RGS7: variants seen among roughly 807,000 people sequenced by gnomAD.
RGS7 encodes regulator of G protein signaling 7.
Under a neutral mutation model 81.1 loss-of-function variants are expected in RGS7, and 27 were observed. The ratio of observed to expected loss-of-function variants is 0.33; its 90% CI spans 0.25 to 0.46. The LOEUF is 0.46. Among genes scored for constraint, RGS7 ranks in the 20% least tolerant of loss-of-function variants. RGS7 has a pLI of 1.00. For missense variants in RGS7, 396 were observed against 607.4 expected, an observed-to-expected ratio of 0.65 and a Z score of 3.66; for synonymous variants, 208 against 207.7, an observed-to-expected ratio of 1.00 and a Z score of -0.01.
intron 3 of RGS7, among the ~76,000 whole-genome samples, chr1:241,086,564 C>G (rs896641740): frequency 4.6e-5 from 7 of 151,980 alleles, no homozygotes; most frequent in African/African-American, 1.7e-4. Context: ...AGCCACAGTA[C>G]CCAGCCTTGT....
intron 2 of RGS7, among the ~76,000 whole-genome samples, chr1:241,306,515 G>A (rs1378997253): frequency 3.8e-5 from 5 of 132,514 alleles, no homozygotes; most frequent in Admixed American, 3.0e-4. Flanking sequence ...CCCTCACATG[G>A]CCATGTACAC....
intron 3 of RGS7, among the ~76,000 whole-genome samples, chr1:241,043,542 C>T (rs549103088): frequency 0.071 from 10,405 of 146,702 alleles, 558 homozygotes; most frequent in African/African-American, 0.14. Flanking sequence ...ATAGATATAT[C>T]ATATATAATA....
chr1:241,319,115 T>C (rs1205241596), intron 2 of RGS7, among the ~76,000 whole-genome samples: 1 of 152,214 alleles, frequency 6.6e-6, no homozygotes, highest in Admixed American at 6.5e-5. Context: ...TAACCATTTC[T>C]TACCCTCTGG....
chr1:240,915,254 T>A (rs575617910), intron 6 of RGS7, among the ~76,000 whole-genome samples: 2 of 151,960 alleles, frequency 1.3e-5, no homozygotes, highest in Non-Finnish European at 2.9e-5. Context: ...TAGGGAAATA[T>A]CCAACTCCAG....
rs185451206 is a variant in RGS7, at chr1:241,117,764, C to T, written c.79-19002G>A. On this transcript the variant is annotated intron_variant, in intron 2 of 18. Transcript: ENST00000440928. ...GAAAAAGTAAAGCTGCAATATATTT[C>T]TTATCGGATTAATCTAAGATCAGTG... is the stretch of plus-strand genomic sequence containing the variant. Among the ~76,000 whole-genome samples, 1,113 of 152,236 alleles carry T rather than the reference C, an allele frequency of 7.3e-3. 14 individuals are homozygous for T. The highest frequency in any genetic ancestry group is 0.025 in the African/African-American group (1,056 of 41,542).
intron 3 of RGS7, among the ~76,000 whole-genome samples, chr1:241,037,216 A>T (rs1178113991): frequency 1.3e-5 from 2 of 152,192 alleles, no homozygotes; most frequent in East Asian, 3.9e-4. Flanking sequence ...GAAGCTGGTA[A>T]GATAGAGATG....
chr1:241,334,030 A>G (rs1020806213), intron 2 of RGS7, among the ~76,000 whole-genome samples: 1 of 150,328 alleles, frequency 6.7e-6, no homozygotes, highest in Non-Finnish European at 1.5e-5. Flanking sequence ...TGATCTGTAT[A>G]TACATATATA....
chr1:241,038,922 G>A (rs978372036), intron 3 of RGS7, among the ~76,000 whole-genome samples: 3 of 151,952 alleles, frequency 2.0e-5, no homozygotes, highest in Non-Finnish European at 4.4e-5. Context: ...AGCTGTGATC[G>A]CACCATTGCA....
chr1:240,813,217 T>C (rs973414099), intron 13 of RGS7, among the ~76,000 whole-genome samples: 2 of 152,216 alleles, frequency 1.3e-5, no homozygotes, highest in Non-Finnish European at 2.9e-5. Context: ...TGTCTTAAAA[T>C]TGAATTTATA....
rs144560229 is a variant in RGS7 at position 240,973,389 on chromosome 1, A to C, written c.226+9690T>G. Among the ~76,000 whole-genome samples the C allele has an allele frequency of 1.3e-4, 20 of 151,528 alleles. No homozygotes were observed. In the East Asian group the frequency reaches 4.0e-3, roughly 30 times the overall value. On this transcript the variant is annotated intron_variant, in intron 4 of 18. Transcript: ENST00000440928. ...CAAAAATTAGCGGGGCGTGGTGGCTAATCCCAGCTACTCAGGAGGCTGAGG... is the reference window on the plus strand; with the variant it reads ...CAAAAATTAGCGGGGCGTGGTGGCTCATCCCAGCTACTCAGGAGGCTGAGG...
chr1:241,220,726 G>T (rs1053656648), intron 2 of RGS7, among the ~76,000 whole-genome samples: 5 of 151,828 alleles, frequency 3.3e-5, no homozygotes, highest in Non-Finnish European at 7.4e-5. Flanking sequence ...AATAATTAAG[G>T]TTCTTTTGCA....
chr1:240,842,206 T>C (rs1658175145), intron 9 of RGS7, among the ~76,000 whole-genome samples: 1 of 115,266 alleles, frequency 8.7e-6, no homozygotes, highest in Non-Finnish European at 1.9e-5. Flanking sequence ...GGAATTTTTT[T>C]TTTTTTTTTT....
intron 2 of RGS7, among the ~76,000 whole-genome samples, chr1:241,195,242 C>G (rs4531284): frequency 0.82 from 124,586 of 152,156 alleles, 51,082 homozygotes; most frequent in Admixed American, 0.85. Context: ...TTGGAAAGCT[C>G]AGGTGGGCGG....
At position 241,162,610 on chromosome 1, in the gene RGS7, T is replaced by C. The variant is rs149303340; in HGVS notation, c.79-63848A>G. Reference sequence around the variant, plus strand: ...TGCCCTAAAGCTTTTTAAACAACTCTGACTCCTGCTCTAAAACTTGCCTGT... The same window carrying C: ...TGCCCTAAAGCTTTTTAAACAACTCCGACTCCTGCTCTAAAACTTGCCTGT... On this transcript the variant is annotated intron_variant, in intron 2 of 18. Coordinates refer to ENST00000440928, the MANE Select transcript of RGS7 (RefSeq NM_001364886.1). 4.4e-3 allele frequency among the ~76,000 whole-genome samples: 656 copies of C among 150,694 alleles called. 2 individuals are homozygous for C. The highest frequency in any genetic ancestry group is 6.6e-3 in the Non-Finnish European group (441 of 66,908).
chr1:240,881,088 G>A (rs1216490637), intron 6 of RGS7, among the ~76,000 whole-genome samples: 1 of 151,930 alleles, frequency 6.6e-6, no homozygotes, highest in Non-Finnish European at 1.5e-5. Flanking sequence ...AACACATACT[G>A]CAATTATTCT....
chr1:241,293,845 A>C (rs897462941), intron 2 of RGS7, among the ~76,000 whole-genome samples: 16 of 152,192 alleles, frequency 1.1e-4, no homozygotes, highest in Non-Finnish European at 2.2e-4. Context: ...TGTTGGTGGG[A>C]GTGTAAATTA....
At chr1:241,121,557 G>A (rs1329390479) in intron 2 of RGS7, among the ~76,000 whole-genome samples, 1 of 152,054 alleles carries the variant, frequency 6.6e-6, no homozygotes, top group Non-Finnish European at 1.5e-5. Context: ...TAATATGTCT[G>A]GGAGTGAGGG....
chr1:240,799,251 GTTT>G (rs1558268325), intron 18 of RGS7, among the ~76,000 whole-genome samples: 3 of 26,532 alleles, frequency 1.1e-4, no homozygotes, highest in Non-Finnish European at 4.1e-4. Context: ...TATTATTATG[GTTT>G]GTGTGTGTGT....
At chr1:240,871,468 G>C (rs942599054) in intron 6 of RGS7, among the ~76,000 whole-genome samples, 3 of 152,294 alleles carry the variant, frequency 2.0e-5, no homozygotes, top group South Asian at 4.1e-4. Context: ...ACGAAGGAGA[G>C]AGCCAACCAC....
Sources: gnomAD v4.1 joint callset for allele counts (sites outside exome capture counted in the v4.1 genomes callset) on GRCh38, gnomAD v4.1.1 for gene constraint, MANE v1.5 for transcripts, NCBI Gene and HGNC (gene_info 2026-07-23, HGNC 2026-07-21) for gene names.